The following SLIT1 variants were observed in gnomAD, a reference collection of about 807,000 sequenced individuals.
The protein encoded by SLIT1 is slit guidance ligand 1, also known as slit homolog 1 protein.
SLIT1 carries 66 observed loss-of-function variants against 186.1 expected under a neutral mutation model. The ratio of observed to expected loss-of-function variants is 0.35; its 90% CI spans 0.29 to 0.44. SLIT1 has a LOEUF of 0.44. Ranked by LOEUF, SLIT1 falls within the 20% of genes least tolerant of loss-of-function variation. The pLI, the probability that SLIT1 is intolerant of heterozygous loss-of-function variation, is 1.00. For synonymous variants in SLIT1, 761 were observed against 833.8 expected (o/e 0.91, Z 1.50); for missense variants, 1,638 against 2,037.4 (o/e 0.80, Z 3.77).
intron 13 of SLIT1, among the ~76,000 whole-genome samples, chr10:97,049,868 C>T (rs1201002280): frequency 1.3e-5 from 2 of 152,220 alleles, no homozygotes; most frequent in African/African-American, 2.4e-5. Context: ...GGGATGGTGG[C>T]GGGGAGCAGA....
Position 97,089,265 on chromosome 10 carries a change from G to A in SLIT1, c.414-23179C>T, listed in dbSNP as rs1350798518. Among the ~76,000 whole-genome samples, 3 of 152,348 alleles carry A rather than the reference G, an allele frequency of 2.0e-5. No individual in the cohort carries two copies. In the East Asian group the frequency reaches 5.8e-4, roughly 29 times the overall value. ...AAAAAAAGACAGAGTCAGACAGGAA[G>A]ACACAGGGAGAGGCCAAGCCCCCCA... is the stretch of plus-strand genomic sequence containing the variant. On this transcript the variant is annotated intron_variant, in intron 4 of 36. Coordinates refer to ENST00000266058, the MANE Select transcript of SLIT1 (RefSeq NM_003061.3).
intron 27 of SLIT1, 113 bp from the exon 28 acceptor site, chr10:97,018,796 TTTCATTCATTCATTCGTCCAC>T: frequency 1.4e-6 from 1 of 693,118 alleles, no homozygotes; most frequent in East Asian, 2.7e-5. Context: ...AGTTACTTGT[TTTCATTCATTCATTCGTCCAC>T]TTCATTCATT....
intron 20 of SLIT1, 35 bp downstream of exon 20, chr10:97,042,866 G>A (rs1439611259): frequency 6.9e-6 from 11 of 1,604,278 alleles, no homozygotes; most frequent in East Asian, 2.2e-5. Context: ...GACCCAGGGC[G>A]CCCTCTCCCT....
intron 4 of SLIT1, among the ~76,000 whole-genome samples, chr10:97,144,446 G>A (rs1344674680): frequency 6.6e-6 from 1 of 152,186 alleles, no homozygotes; most frequent in Non-Finnish European, 1.5e-5. Flanking sequence ...TTCTTCCAGT[G>A]TATGAAGTCA....
chr10:97,027,179 C>T (rs769892403), intron 25 of SLIT1, among the ~76,000 whole-genome samples: 10 of 152,096 alleles, frequency 6.6e-5, no homozygotes, highest in African/African-American at 1.2e-4. Context: ...GAGCCGTGTG[C>T]GAGGGCCTCC....
intron 13 of SLIT1, among the ~76,000 whole-genome samples, chr10:97,052,490 T>C (rs554413457): frequency 6.6e-6 from 1 of 152,236 alleles, no homozygotes; most frequent in Admixed American, 6.5e-5. Context: ...AGTCTGGAAA[T>C]GGGGACAAGG....
rs144526528 is a variant in SLIT1 at position 97,175,995 on chromosome 10, A to T, written c.197+9483T>A. ...CCAGTGCTAAACTGGCAGGTGTTTT[A>T]TAGATGCTGAATGAATATCTGGCAA... On this transcript the variant is annotated intron_variant, in intron 1 of 36. Coordinates refer to ENST00000266058, the MANE Select transcript of SLIT1 (RefSeq NM_003061.3). Among the ~76,000 whole-genome samples, 19 of 152,350 alleles carry T rather than the reference A, an allele frequency of 1.2e-4. No homozygotes were observed. The East Asian group carries it at 3.7e-3, about 29-fold the overall frequency.
At chr10:97,037,197 C>T (rs187694253) in intron 22 of SLIT1, among the ~76,000 whole-genome samples, 405 of 152,044 alleles carry the variant, frequency 2.7e-3, no homozygotes, top group Non-Finnish European at 4.8e-3. Flanking sequence ...CGGGTTCAAG[C>T]GATTCTCCTA....
intron 1 of SLIT1, among the ~76,000 whole-genome samples, chr10:97,172,489 G>A (rs1162780929): frequency 1.3e-5 from 2 of 152,226 alleles, no homozygotes; most frequent in Non-Finnish European, 2.9e-5. Flanking sequence ...CATGATAGAT[G>A]TTTCAGTAAG....
intron 8 of SLIT1, among the ~76,000 whole-genome samples, chr10:97,063,017 G>A (rs1848907476): frequency 1.3e-5 from 2 of 152,166 alleles, no homozygotes; most frequent in South Asian, 2.1e-4. Flanking sequence ...GAGGTGAGGC[G>A]ATTGGAGGAT....
intron 25 of SLIT1, among the ~76,000 whole-genome samples, chr10:97,025,806 C>T (rs1418251070): frequency 1.3e-5 from 2 of 152,170 alleles, no homozygotes; most frequent in Admixed American, 6.5e-5. Flanking sequence ...ATTTGCGTAA[C>T]CTGGACTGAA....
intron 4 of SLIT1, among the ~76,000 whole-genome samples, chr10:97,097,599 A>G (rs568131500): frequency 6.6e-6 from 1 of 152,164 alleles, no homozygotes; most frequent in Admixed American, 6.5e-5. Context: ...CCCTATGTGG[A>G]TGCTAATACA....
intron 1 of SLIT1, among the ~76,000 whole-genome samples, chr10:97,180,726 A>G (rs1294048376): frequency 3.3e-5 from 5 of 152,228 alleles, no homozygotes; most frequent in Non-Finnish European, 7.3e-5. Context: ...AGGGGCAGAG[A>G]TGCCCAGGAA....
In SLIT1 at chr10:97,022,722, G is replaced by A. The variant is rs7101203; in HGVS notation, c.2583-1309C>T. Among the ~76,000 whole-genome samples, 4,297 of 152,206 alleles carry A rather than the reference G, an allele frequency of 0.028. 169 individuals are homozygous for A. The highest frequency in any genetic ancestry group is 0.092 in the African/African-American group (3,803 of 41,486). On this transcript the variant is annotated intron_variant, in intron 25 of 36. Transcript: ENST00000266058. The surrounding 1 kb of genome is among the most constrained non-coding windows in gnomAD (Gnocchi z 4.2). ...ATAAATTGTGATACATTCACATTACGAAAAACAAAAGTCTACACCCCACTG... is the reference window on the plus strand; with the variant it reads ...ATAAATTGTGATACATTCACATTACAAAAAACAAAAGTCTACACCCCACTG...
At chr10:97,036,051 A>T (rs555403586) in intron 22 of SLIT1, among the ~76,000 whole-genome samples, 37 of 152,164 alleles carry the variant, frequency 2.4e-4, no homozygotes, top group Non-Finnish European at 5.0e-4. Flanking sequence ...CTAAACCATG[A>T]CAGTCTGGAG....
intron 4 of SLIT1, among the ~76,000 whole-genome samples, chr10:97,145,928 C>T (rs781475276): frequency 3.3e-5 from 5 of 152,210 alleles, no homozygotes; most frequent in Non-Finnish European, 5.9e-5. Context: ...CAGTAATTCC[C>T]GGCCATGTCA....
chr10:97,107,145 G>A (rs1413618816), intron 4 of SLIT1, among the ~76,000 whole-genome samples: 1 of 152,230 alleles, frequency 6.6e-6, no homozygotes, highest in African/African-American at 2.4e-5. Flanking sequence ...GATACCATCA[G>A]GAAGAAGTTG....
intron 30 of SLIT1, among the ~76,000 whole-genome samples, chr10:97,013,267 T>C (rs1184296034): frequency 6.6e-6 from 1 of 152,190 alleles, no homozygotes; most frequent in Non-Finnish European, 1.5e-5. Flanking sequence ...CAGCTTTTAT[T>C]ACCAAATACG....
In SLIT1 at chr10:97,063,495, G is replaced by A. The variant is rs1306498531; in HGVS notation, c.753C>T (p.Leu251=). The A allele has an allele frequency of 4.3e-6, 7 of 1,613,082 alleles. No individual in the cohort carries two copies. Among genetic ancestry groups the A allele is most frequent in the Non-Finnish European group, 5.9e-6 (7 of 1,179,974 alleles). Residue 251 remains leucine, a synonymous_variant, in exon 8 of 37, where the codon CTC becomes CTT. Transcript: ENST00000266058. ...QCSGPASLRG[L]NVAEVQKSEF... ...CACTCTTCTGGACCTCTGCCACATTGAGGCCACGCAGGCTGGCTGGGCCCG... is the reference window on the plus strand; with the variant it reads ...CACTCTTCTGGACCTCTGCCACATTAAGGCCACGCAGGCTGGCTGGGCCCG...
Sources: gnomAD v4.1 joint callset for allele counts (sites outside exome capture counted in the v4.1 genomes callset) on GRCh38, gnomAD v4.1.1 for gene constraint, Gnocchi (gnomAD v3.1) non-coding constraint, MANE v1.5 for transcripts, NCBI Gene and HGNC (gene_info 2026-07-23, HGNC 2026-07-21) for gene names.